The following TFCP2 variants were observed in gnomAD, a reference collection of about 807,000 sequenced individuals.
TFCP2 encodes transcription factor CP2.
In TFCP2, 33 loss-of-function variants were observed where a neutral mutation model predicts 73.4. The ratio of observed to expected loss-of-function variants is 0.45; its 90% CI spans 0.34 to 0.60. TFCP2 has a LOEUF of 0.60. Among genes scored for constraint, TFCP2 ranks in the 20% least tolerant of loss-of-function variants. The probability of loss-of-function intolerance (pLI) is 0.01; values close to 1 mark genes in which losing one functional copy is unlikely to be tolerated. For synonymous variants in TFCP2, 193 were observed against 211.6 expected, an observed-to-expected ratio of 0.91 and a Z score of 0.76; for missense variants, 352 against 604.0, an observed-to-expected ratio of 0.58 and a Z score of 4.37.
chr12:51,095,115 C>T lies in TFCP2; in HGVS notation c.*126G>A. 1 of 1,082,438 alleles carries T rather than the reference C, an allele frequency of 9.2e-7. No individual in the cohort carries two copies. Among genetic ancestry groups the T allele is most frequent in the South Asian group, 1.3e-5 (1 of 78,928 alleles). The allele number at this position is 1,082,438 out of a possible 1,614,324, so 67.1% of individuals were successfully genotyped here. A position where few individuals can be genotyped will look rare whatever the true frequency, so the allele number is the denominator to read the frequency against. On this transcript the variant is annotated 3_prime_UTR_variant, in exon 15 of 15. Transcript: ENST00000257915. ...GGATTCTGCCTCCATGGCCTGGACT[C>T]CTCCACACACAGTCAGACGAGTCAG...
chr12:51,146,407 C>T (rs920474354), intron 1 of TFCP2, among the ~76,000 whole-genome samples: 4 of 138,388 alleles, frequency 2.9e-5, no homozygotes, highest in African/African-American at 8.3e-5. Flanking sequence ...AACTCAAATA[C>T]TTACTTCTTA....
intron 1 of TFCP2, among the ~76,000 whole-genome samples, chr12:51,140,343 C>T (rs1295607539): frequency 6.6e-6 from 1 of 150,874 alleles, no homozygotes; most frequent in Non-Finnish European, 1.5e-5. Context: ...GGCGGAGGAT[C>T]ACTTGAGCCC....
chr12:51,170,679 C>T (rs1941841510), intron 1 of TFCP2, among the ~76,000 whole-genome samples: 2 of 151,362 alleles, frequency 1.3e-5, no homozygotes, highest in African/African-American at 4.9e-5. Context: ...ATTAAATTCT[C>T]TCCCCCTTTT....
chr12:51,147,105 G>A (rs1941312760), intron 1 of TFCP2, among the ~76,000 whole-genome samples: 1 of 152,232 alleles, frequency 6.6e-6, no homozygotes, highest in Admixed American at 6.5e-5. Context: ...CACTTTGGGA[G>A]CCCAAAGCAG....
chr12:51,104,143 C>CTTTA lies in TFCP2; in HGVS notation c.966+8_966+11dup. The CTTTA allele has an allele frequency of 6.2e-7, 1 of 1,613,964 alleles. No homozygotes were observed. Among genetic ancestry groups the CTTTA allele is most frequent in the Non-Finnish European group, 8.5e-7 (1 of 1,179,860 alleles). On this transcript the variant is annotated intron_variant, in intron 9 of 14. Transcript: ENST00000257915. ...GACATTGCAAGTAACTGACATTCAACTTTAGACTTACATCTGTGACTGGAG... is the reference window on the plus strand; with the variant it reads ...GACATTGCAAGTAACTGACATTCAACTTTATTTAGACTTACATCTGTGACTGGAG...
Position 51,110,939 on chromosome 12 carries a change from T to C in TFCP2, c.502A>G (p.Thr168Ala). Residue 168 changes from threonine (T) to alanine (A), a missense_variant, in exon 5 of 15, where the codon ACT becomes GCT. Physicochemically the swap from Thr to Ala is moderately conservative, Grantham distance 58. Coordinates refer to ENST00000257915, the MANE Select transcript of TFCP2 (RefSeq NM_005653.5). ...AGGAACTCCACTGTATTTAGTTGAG[T>C]TGGATTAGCCCTAGGATCGATTATA... ...VGIIDPRANP[T>A]QLNTVEFLWD... 1 of 1,614,046 alleles carries C rather than the reference T, an allele frequency of 6.2e-7. No individual in the cohort carries two copies. The highest frequency in any genetic ancestry group is 8.5e-7 in the Non-Finnish European group (1 of 1,179,974).
At chr12:51,145,850 G>A (rs1001674963) in intron 1 of TFCP2, among the ~76,000 whole-genome samples, 3 of 151,114 alleles carry the variant, frequency 2.0e-5, no homozygotes, top group Non-Finnish European at 3.0e-5. Context: ...TCCTTGACAG[G>A]CAGAGGCAGG....
intron 1 of TFCP2, among the ~76,000 whole-genome samples, chr12:51,148,324 T>C (rs995588095): frequency 6.6e-6 from 1 of 152,218 alleles, no homozygotes. Context: ...ATGAAAAAGA[T>C]ACTTGCACAC....
chr12:51,123,016 T>C (rs943869667), intron 1 of TFCP2, among the ~76,000 whole-genome samples: 9 of 152,178 alleles, frequency 5.9e-5, no homozygotes, highest in African/African-American at 1.9e-4. Flanking sequence ...TCTATGAATG[T>C]AGGGTGGTTA....
Position 51,132,243 on chromosome 12 carries a change from G to A in TFCP2, c.123-13471C>T, listed in dbSNP as rs190593531. ...GGTCTCAGATGACCCACAGTTCTCT[G>A]TATTCACACCCTTTCGCAGCACTCC... On this transcript the variant is annotated intron_variant, in intron 1 of 14. Coordinates refer to ENST00000257915, the MANE Select transcript of TFCP2 (RefSeq NM_005653.5). Among the ~76,000 whole-genome samples the A allele has an allele frequency of 6.2e-3, 937 of 151,216 alleles. 14 individuals are homozygous for A. Among genetic ancestry groups the A allele is most frequent in the Middle Eastern group, 0.027 (8 of 292 alleles).
At chr12:51,100,498 T>C (rs1940084017) in intron 11 of TFCP2, among the ~76,000 whole-genome samples, 1 of 152,194 alleles carries the variant, frequency 6.6e-6, no homozygotes, top group African/African-American at 2.4e-5. Flanking sequence ...TTTTCCAAGA[T>C]TCAACATCCC....
chr12:51,104,273 C>T, intron 8 of TFCP2, 70 bp from the exon 9 acceptor site: 1 of 1,339,166 alleles, frequency 7.5e-7, no homozygotes, highest in Non-Finnish European at 1.0e-6. Flanking sequence ...CATTCCTCAG[C>T]TTCACAATAA....
chr12:51,125,266 C>G (rs941453487), intron 1 of TFCP2: 3 of 576,470 alleles, frequency 5.2e-6, no homozygotes, highest in African/African-American at 1.9e-5. Context: ...ACCACAATGT[C>G]CTGTCATTTT....
intron 1 of TFCP2, among the ~76,000 whole-genome samples, chr12:51,133,711 A>G (rs550532655): frequency 1.3e-3 from 202 of 152,098 alleles, no homozygotes; most frequent in African/African-American, 4.6e-3. Flanking sequence ...CAGATCACTT[A>G]AGGTCAGGAG....
At chr12:51,151,673 T>C (rs1941429923) in intron 1 of TFCP2, among the ~76,000 whole-genome samples, 1 of 152,078 alleles carries the variant, frequency 6.6e-6, no homozygotes, top group South Asian at 2.1e-4. Flanking sequence ...CCTGACCTTG[T>C]GATCCGCCCG....
chr12:51,169,873 C>T lies in TFCP2; in HGVS notation c.122+2428G>A, dbSNP rs12301833. On this transcript the variant is annotated intron_variant, in intron 1 of 14. Transcript: ENST00000257915. ...GCCATTCTAATGTCTGTGAAAAACA[C>T]AGAGTATGATTTGTAAAGAACTCTT... is the stretch of plus-strand genomic sequence containing the variant. Among the ~76,000 whole-genome samples the T allele has an allele frequency of 7.3e-3, 1,119 of 152,278 alleles. 14 individuals are homozygous for T. The highest frequency in any genetic ancestry group is 0.025 in the African/African-American group (1,045 of 41,572).
At chr12:51,097,596 ATTATT>A (rs1350200427) in intron 13 of TFCP2, among the ~76,000 whole-genome samples, 3 of 152,146 alleles carry the variant, frequency 2.0e-5, no homozygotes, top group Non-Finnish European at 4.4e-5. Flanking sequence ...GCATATTTAC[ATTATT>A]TTAATCAATT....
chr12:51,132,494 G>A (rs947848244), intron 1 of TFCP2, among the ~76,000 whole-genome samples: 14 of 146,646 alleles, frequency 9.5e-5, no homozygotes, highest in African/African-American at 2.5e-4. Flanking sequence ...TCAGTCTCCC[G>A]AGCAGCTGGG....
intron 1 of TFCP2, among the ~76,000 whole-genome samples, chr12:51,131,214 A>C (rs1393316993): frequency 1.3e-5 from 2 of 150,572 alleles, no homozygotes; most frequent in Non-Finnish European, 3.0e-5. Context: ...GGGCGCCTGT[A>C]GTCCCAGCTA....
Sources: allele counts gnomAD v4.1 joint callset (sites outside exome capture counted in the v4.1 genomes callset), GRCh38; gene constraint gnomAD v4.1.1; transcripts MANE v1.5; gene names NCBI Gene and HGNC (gene_info 2026-07-23, HGNC 2026-07-21).